The following UHRF1 variants were observed in gnomAD, a reference collection of about 807,000 sequenced individuals.
UHRF1 encodes ubiquitin like with PHD and ring finger domains 1, also known as E3 ubiquitin-protein ligase UHRF1.
A neutral mutation model predicts 96.5 loss-of-function variants in UHRF1; 9 were observed. The observed-to-expected ratio is 0.09, with a 90% confidence interval of 0.06 to 0.16. The LOEUF is 0.16. UHRF1 is among the 10% of genes least tolerant of loss of function. The pLI is 1.00. For synonymous variants in UHRF1, 455 were observed against 469.9 expected (o/e 0.97, Z 0.41); for missense variants, 626 against 1,131.1 (o/e 0.55, Z 6.40).
chr19:4,913,151 T>C (rs2032349324), intron 2 of UHRF1, among the ~76,000 whole-genome samples: 1 of 152,088 alleles, frequency 6.6e-6, no homozygotes, highest in Non-Finnish European at 1.5e-5. Flanking sequence ...CTCCCCTCAT[T>C]TGTAACATAA....
chr19:4,939,577 T>C (rs2033321627), intron 5 of UHRF1, among the ~76,000 whole-genome samples: 2 of 152,116 alleles, frequency 1.3e-5, no homozygotes, highest in African/African-American at 4.8e-5. Context: ...CTATCCAGAC[T>C]GTAGAGATGA....
Position 4,930,577 on chromosome 19 carries a change from G to C in UHRF1, c.409-139G>C, listed in dbSNP as rs1369818496. On this transcript the variant is annotated intron_variant, in intron 3 of 16. Transcript: ENST00000650932. This position sits in a 1 kb window ranked among gnomAD's most constrained non-coding sequence, Gnocchi z 4.4. ...GGTTTCTCATGGTCAGCGGTTCCCA[G>C]CCAGGGAGGAGAAACCTCGCTGTGG... is the stretch of plus-strand genomic sequence containing the variant. The C allele has an allele frequency of 1.8e-6, 2 of 1,106,790 alleles. No homozygotes were observed. Among genetic ancestry groups the C allele is most frequent in the African/African-American group, 3.1e-5 (2 of 64,054 alleles). The allele number at this position is 1,106,790 out of a possible 1,614,324, so 68.6% of individuals were successfully genotyped here.
In UHRF1 at chr19:4,954,680, G is replaced by A. The variant is rs1209536136; in HGVS notation, c.1988G>A (p.Arg663His). ...GGGPSRAGSP[R>H]RTSKKTKVEP... The stretch of plus-strand genomic sequence containing the variant: ...GGCCCGAGCAGGGCCGGGTCCCCGC[G>A]CCGGACATCCAAGAAAACCAAGGTG... Residue 663 changes from arginine (R) to histidine (H), a missense_variant, in exon 15 of 17, where the codon CGC (arginine) becomes CAC (histidine). This residue lies in a region of UHRF1 where 90 missense variants were observed against 94.7 expected (regional missense o/e 0.95). Coordinates refer to ENST00000650932, the MANE Select transcript of UHRF1 (RefSeq NM_001048201.3). This position sits in a 1 kb window ranked among gnomAD's most constrained non-coding sequence, Gnocchi z 5.9. The A allele has an allele frequency of 3.7e-6, 6 of 1,613,214 alleles. No individual in the cohort carries two copies. The highest frequency in any genetic ancestry group is 3.4e-6 in the Non-Finnish European group (4 of 1,179,582).
chr19:4,944,183 G>A lies in UHRF1; in HGVS notation c.1125G>A (p.Glu375=), dbSNP rs762308346. 2 of 1,613,562 alleles carry A rather than the reference G, an allele frequency of 1.2e-6. No individual in the cohort carries two copies. Among genetic ancestry groups the A allele is most frequent in the Non-Finnish European group, 1.7e-6 (2 of 1,179,702 alleles). Reference sequence around the variant, plus strand: ...CCAGCGAGGTGGTACTGGCGGGAGAGCGGCTGAGAGAGAGCAAGAAGAAGG... The same window carrying A: ...CCAGCGAGGTGGTACTGGCGGGAGAACGGCTGAGAGAGAGCAAGAAGAAGG... ...NDASEVVLAG[E]RLRESKKKAK... is the part of the protein sequence containing the mutation. The change falls in exon 8 of 17, where the codon GAG becomes GAA. Residue 375 remains glutamate (E), a synonymous_variant. Coordinates refer to ENST00000650932, the MANE Select transcript of UHRF1 (RefSeq NM_001048201.3).
chr19:4,955,044 C>G (rs1265963812), intron 15 of UHRF1, among the ~76,000 whole-genome samples: 2 of 152,108 alleles, frequency 1.3e-5, no homozygotes, highest in Admixed American at 1.3e-4. Context: ...CCCTCCCAAG[C>G]CTTGGCACTC....
intron 16 of UHRF1, among the ~76,000 whole-genome samples, chr19:4,957,818 G>A (rs1272780601): frequency 6.6e-6 from 1 of 152,170 alleles, no homozygotes; most frequent in Non-Finnish European, 1.5e-5. Flanking sequence ...ACACCTTCCA[G>A]TGTCCCCTGG....
At chr19:4,946,424 C>T (rs2602733) in intron 10 of UHRF1, among the ~76,000 whole-genome samples, 2,569 of 152,196 alleles carry the variant, frequency 0.017, 66 homozygotes, top group African/African-American at 0.056. Flanking sequence ...TCTGTCTGTC[C>T]GTGGGCACTG....
upstream of UHRF1, chr19:4,909,374 G>A: frequency 3.2e-6 from 2 of 615,512 alleles, no homozygotes; most frequent in Non-Finnish European, 5.8e-6. Flanking sequence ...AGAGGCGGGG[G>A]CGCCCCCCAC....
rs544443337 is a variant in UHRF1 at position 4,910,867 on chromosome 19, T to A, written c.-10-9T>A. 8.8e-6 allele frequency: 14 copies of A among 1,594,368 alleles called. No individual in the cohort carries two copies. In the East Asian group the frequency reaches 2.7e-4, roughly 31 times the overall value. ...AACTGATGGGGGTTTTTGCTGTCCC[T>A]CCCCTCAGCGCCGACACCATGTGGA... On this transcript the variant is annotated splice_polypyrimidine_tract_variant and intron_variant, in intron 1 of 16. Coordinates refer to ENST00000650932, the MANE Select transcript of UHRF1 (RefSeq NM_001048201.3).
intron 2 of UHRF1, among the ~76,000 whole-genome samples, chr19:4,923,869 G>A (rs1437871269): frequency 6.6e-6 from 1 of 152,234 alleles, no homozygotes; most frequent in East Asian, 1.9e-4. Context: ...TGGCCACAGA[G>A]GTGCTGGCCC....
intron 2 of UHRF1, among the ~76,000 whole-genome samples, chr19:4,918,483 T>C (rs893628551): frequency 6.6e-6 from 1 of 151,644 alleles, no homozygotes; most frequent in African/African-American, 2.4e-5. Context: ...GTTGGCTTGA[T>C]GTCAGCTCAC....
At chr19:4,909,924 G>A (rs1352038329) in intron 1 of UHRF1, among the ~76,000 whole-genome samples, 1 of 151,128 alleles carries the variant, frequency 6.6e-6, no homozygotes, top group Admixed American at 6.6e-5. Flanking sequence ...CGGGGAGGAT[G>A]TCAGGCTCCG....
chr19:4,934,868 G>A (rs2033171962), intron 5 of UHRF1, among the ~76,000 whole-genome samples: 1 of 152,202 alleles, frequency 6.6e-6, no homozygotes, highest in African/African-American at 2.4e-5. Context: ...TGGCTCGGGT[G>A]TGGTGTGGAA....
Position 4,960,762 on chromosome 19 carries a change from G to A in UHRF1, c.2341G>A (p.Val781Ile), listed in dbSNP as rs2033967968. Reference protein sequence around the residue: ...AMQVNQPLQTVLNQLFPGYGN... With the variant: ...AMQVNQPLQTILNQLFPGYGN... ...GCAGGTGAACCAGCCTCTGCAGACCGTCCTCAACCAGCTCTTCCCCGGCTA... is the reference window on the plus strand; with the variant it reads ...GCAGGTGAACCAGCCTCTGCAGACCATCCTCAACCAGCTCTTCCCCGGCTA... The change falls in exon 17 of 17, where the codon GTC (valine) becomes ATC (isoleucine). Residue 781 changes from valine to isoleucine, a missense_variant. By Grantham distance (29) the Val-to-Ile change is conservative. Coordinates refer to ENST00000650932, the MANE Select transcript of UHRF1 (RefSeq NM_001048201.3). 2.5e-6 allele frequency: 4 copies of A among 1,572,700 alleles called. No homozygotes were observed. The highest frequency in any genetic ancestry group is 1.1e-5 in the South Asian group (1 of 87,080).
chr19:4,946,021 G>T, intron 10 of UHRF1, 56 bp downstream of exon 10: 3 of 1,370,856 alleles, frequency 2.2e-6, no homozygotes, highest in Non-Finnish European at 3.0e-6. Flanking sequence ...TTGGATGGTG[G>T]TAAAATACAT....
chr19:4,905,741 C>T (rs1272701543), upstream of UHRF1, among the ~76,000 whole-genome samples: 1 of 152,070 alleles, frequency 6.6e-6, no homozygotes, highest in Admixed American at 6.6e-5. Flanking sequence ...TAGTCTTGAT[C>T]TCCTGACCTC....
intron 5 of UHRF1, among the ~76,000 whole-genome samples, chr19:4,934,513 T>G (rs2033159839): frequency 6.6e-6 from 1 of 152,216 alleles, no homozygotes; most frequent in Admixed American, 6.5e-5. Flanking sequence ...TCTGTGAATC[T>G]GACAACTCGG....
chr19:4,929,329 C>G lies in UHRF1; in HGVS notation c.261C>G (p.Asp87Glu), dbSNP rs113682479. 9.3e-6 allele frequency: 15 copies of G among 1,613,582 alleles called. No individual in the cohort carries two copies. Among genetic ancestry groups the G allele is most frequent in the African/African-American group, 1.3e-5 (1 of 74,938 alleles). Residue 87 changes from aspartate to glutamate, a missense_variant, in exon 3 of 17, where the codon GAC becomes GAG. This residue lies in a region of UHRF1 where 53 missense variants were observed against 95.9 expected (regional missense o/e 0.55). Transcript: ENST00000650932. Reference sequence around the variant, plus strand: ...TCCCCCACAGCACCAAGGAGCGGGACTCCGAGCTCTCCGACACCGACTCCG... The same window carrying G: ...TCCCCCACAGCACCAAGGAGCGGGAGTCCGAGCTCTCCGACACCGACTCCG... ...LVLPHSTKER[D>E]SELSDTDSGC...
intron 2 of UHRF1, among the ~76,000 whole-genome samples, chr19:4,927,883 C>T (rs1467414755): frequency 6.6e-6 from 1 of 152,248 alleles, no homozygotes; most frequent in African/African-American, 2.4e-5. Context: ...TCCAATCCTG[C>T]TCGCACCAGG....
Sources: allele counts gnomAD v4.1 joint callset (sites outside exome capture counted in the v4.1 genomes callset), GRCh38; gene constraint gnomAD v4.1.1; regional missense constraint gnomAD v4.1.1; non-coding constraint Gnocchi (gnomAD v3.1); transcripts MANE v1.5; gene names NCBI Gene and HGNC (gene_info 2026-07-23, HGNC 2026-07-21).